The following FER variants were observed in gnomAD, a reference collection of about 807,000 sequenced individuals.
FER encodes the protein tyrosine-protein kinase Fer.
Under a neutral mutation model 111.0 loss-of-function variants are expected in FER, and 63 were observed. The observed-to-expected ratio is 0.57, with a 90% CI of 0.46 to 0.70. The LOEUF (loss-of-function observed/expected upper bound fraction) is 0.70. Among genes scored for constraint, FER ranks in the 30% least tolerant of loss-of-function variants. The pLI is 0.00. For synonymous variants in FER, 327 were observed against 313.9 expected, an observed-to-expected ratio of 1.04 and a Z score of -0.44; for missense variants, 914 against 954.0, an observed-to-expected ratio of 0.96 and a Z score of 0.55.
chr5:108,806,133 A>G (rs1470805729), intron 3 of FER, among the ~76,000 whole-genome samples: 2 of 152,154 alleles, frequency 1.3e-5, no homozygotes, highest in Admixed American at 6.5e-5. Context: ...AGCCGTGACT[A>G]AAAGGGGCCA....
intron 5 of FER, among the ~76,000 whole-genome samples, chr5:108,840,263 C>T (rs563977935): frequency 2.6e-5 from 4 of 152,174 alleles, no homozygotes; most frequent in Admixed American, 2.0e-4. Context: ...ATCTAATATC[C>T]GGTCCATATT....
intron 16 of FER, among the ~76,000 whole-genome samples, chr5:109,087,405 C>G (rs7729064): frequency 6.6e-6 from 1 of 151,776 alleles, no homozygotes; most frequent in Non-Finnish European, 1.5e-5. Context: ...TGATAACATA[C>G]TAAAATCTTC....
chr5:108,989,428 T>C (rs1762922161), intron 13 of FER, among the ~76,000 whole-genome samples: 1 of 152,030 alleles, frequency 6.6e-6, no homozygotes, highest in African/African-American at 2.4e-5. Context: ...TAAGAAATAT[T>C]AAGAATCATT....
intron 17 of FER, among the ~76,000 whole-genome samples, chr5:109,133,598 G>A (rs1375770055): frequency 1.3e-5 from 2 of 151,960 alleles, no homozygotes; most frequent in Non-Finnish European, 2.9e-5. Flanking sequence ...CTGTATCTCT[G>A]GGATAAAAAA....
At chr5:108,944,304 A>G (rs1226949544) in intron 10 of FER, among the ~76,000 whole-genome samples, 5 of 152,176 alleles carry the variant, frequency 3.3e-5, no homozygotes. Flanking sequence ...TTACAATTTC[A>G]GGTATTATTT....
chr5:109,068,272 CT>C (rs1775358323), intron 16 of FER, among the ~76,000 whole-genome samples: 1 of 152,188 alleles, frequency 6.6e-6, no homozygotes, highest in Non-Finnish European at 1.5e-5. Flanking sequence ...CACCCTCTGC[CT>C]TCCGGGTTCA....
chr5:108,957,332 C>T (rs1266830684), intron 12 of FER, among the ~76,000 whole-genome samples: 1 of 151,340 alleles, frequency 6.6e-6, no homozygotes, highest in Non-Finnish European at 1.5e-5. Flanking sequence ...TACAAATGGC[C>T]AGTAGGTATT....
At chr5:108,800,908 G>A (rs542338405) in intron 3 of FER, among the ~76,000 whole-genome samples, 8 of 152,246 alleles carry the variant, frequency 5.3e-5, no homozygotes, top group Middle Eastern at 3.4e-3. Context: ...TTAGCCGGGC[G>A]TGGTGGCGAG....
chr5:109,050,845 A>T (rs1772691428), intron 16 of FER, among the ~76,000 whole-genome samples: 1 of 152,190 alleles, frequency 6.6e-6, no homozygotes, highest in African/African-American at 2.4e-5. Flanking sequence ...TTTAGCAGGG[A>T]CTTAAGGACA....
chr5:109,181,318 A>C (rs1032480458), intron 18 of FER, among the ~76,000 whole-genome samples: 4 of 152,186 alleles, frequency 2.6e-5, no homozygotes, highest in African/African-American at 9.7e-5. Flanking sequence ...TGAAATCGAC[A>C]TGGTTTCTTA....
chr5:108,893,538 CTGGCCA>C (rs1748527331), intron 9 of FER, among the ~76,000 whole-genome samples: 1 of 151,932 alleles, frequency 6.6e-6, no homozygotes, highest in Admixed American at 6.6e-5. Flanking sequence ...GTTTTATAAT[CTGGCCA>C]AAATGTCTCT....
chr5:109,008,350 A>C (rs1433106619), intron 13 of FER, among the ~76,000 whole-genome samples: 1 of 152,050 alleles, frequency 6.6e-6, no homozygotes, highest in Non-Finnish European at 1.5e-5. Context: ...GCTATTTCCA[A>C]CCTTTACCAT....
At chr5:109,052,528 G>T (rs7702981) in intron 16 of FER, 156,767 of 718,942 alleles carry the variant, frequency 0.22, 18,959 homozygotes, top group African/African-American at 0.4. Flanking sequence ...CTTGGAGGAT[G>T]AAGTAAAATG....
chr5:108,917,595 T>C (rs1390530043), intron 10 of FER, among the ~76,000 whole-genome samples: 2 of 152,226 alleles, frequency 1.3e-5, no homozygotes, highest in Non-Finnish European at 2.9e-5. Flanking sequence ...GATTTCTTGC[T>C]GAGTAGGTGT....
intron 13 of FER, among the ~76,000 whole-genome samples, chr5:108,967,929 T>G (rs1000586914): frequency 2.0e-5 from 3 of 152,172 alleles, no homozygotes. Flanking sequence ...AGGTTTTGGC[T>G]TGGAGTTGGG....
At chr5:108,758,255 G>A (rs563519742) in intron 1 of FER, among the ~76,000 whole-genome samples, 3 of 152,208 alleles carry the variant, frequency 2.0e-5, no homozygotes, top group East Asian at 1.9e-4. Flanking sequence ...GAGAGGTTTC[G>A]GACTGTTTTC....
intron 17 of FER, among the ~76,000 whole-genome samples, chr5:109,122,360 C>T (rs903619237): frequency 2.0e-5 from 3 of 151,650 alleles, no homozygotes; most frequent in Non-Finnish European, 2.9e-5. Flanking sequence ...GTTTAATTTC[C>T]GTGTGTTTGT....
At chr5:108,894,592 G>T (rs1032713756) in intron 9 of FER, 6 of 385,216 alleles carry the variant, frequency 1.6e-5, no homozygotes, top group Admixed American at 2.7e-5. Context: ...ACGACCACAT[G>T]CTTGCCCTCA....
intron 10 of FER, among the ~76,000 whole-genome samples, chr5:108,930,259 GA>G (rs1475131078): frequency 6.8e-6 from 1 of 147,290 alleles, no homozygotes; most frequent in African/African-American, 2.5e-5. Flanking sequence ...CAGTCTTCCT[GA>G]CCAGGCCTCC....
Sources: allele counts gnomAD v4.1 joint callset (sites outside exome capture counted in the v4.1 genomes callset), GRCh38; gene constraint gnomAD v4.1.1; transcripts MANE v1.5; gene names NCBI Gene and HGNC (gene_info 2026-07-23, HGNC 2026-07-21).